The following CD5L variants were observed in gnomAD, a reference collection of about 807,000 sequenced individuals.
The protein encoded by CD5L is CD5 antigen-like.
A neutral mutation model predicts 40.8 loss-of-function variants in CD5L; 39 were observed. That is an observed-to-expected ratio of 0.96 (90% confidence interval 0.74 to 1.25). The LOEUF is 1.25. Among genes scored for constraint, CD5L ranks in the 50% most tolerant of loss-of-function variants. The pLI, the probability that CD5L is intolerant of heterozygous loss-of-function variation, is 0.00. For missense variants in CD5L, 433 were observed against 435.9 expected (o/e 0.99, Z 0.06); for synonymous variants, 192 against 169.6 (o/e 1.13, Z -1.03).
At chr1:157,829,444 AT>A (rs1655988263), downstream of CD5L, among the ~76,000 whole-genome samples, 1 of 152,248 alleles carries the variant, frequency 6.6e-6, no homozygotes, top group African/African-American at 2.4e-5. Flanking sequence ...TAGACCTTTA[AT>A]TGTTCTGTGT....
intron 2 of CD5L, among the ~76,000 whole-genome samples, chr1:157,837,429 T>C (rs1245679342): frequency 6.6e-6 from 1 of 152,196 alleles, no homozygotes; most frequent in African/African-American, 2.4e-5. Context: ...AAGAAGCTTA[T>C]ATTAAGCTTG....
chr1:157,831,599 T>C lies in CD5L; in HGVS notation c.*365A>G. On this transcript the variant is annotated 3_prime_UTR_variant, in exon 6 of 6. Coordinates refer to ENST00000368174, the MANE Select transcript of CD5L (RefSeq NM_005894.3). ...TAATAGGACCTAGATTAGTAATGTT[T>C]GCAGACATAGACCTTAGTAATGGTC... 4 of 1,067,750 alleles carry C rather than the reference T, an allele frequency of 3.7e-6. No individual in the cohort carries two copies. Among genetic ancestry groups the C allele is most frequent in the Non-Finnish European group, 4.5e-6 (4 of 883,854 alleles). 66.1% of individuals were successfully genotyped at this position (1,067,750 alleles called of 1,614,324 possible).
intron 1 of CD5L, among the ~76,000 whole-genome samples, chr1:157,840,875 G>T (rs1030222751): frequency 6.6e-6 from 1 of 152,200 alleles, no homozygotes; most frequent in Non-Finnish European, 1.5e-5. Context: ...GGATGTTTAA[G>T]ATGTGGTCAG....
chr1:157,838,768 A>G (rs1186153543), intron 2 of CD5L, among the ~76,000 whole-genome samples: 1 of 152,022 alleles, frequency 6.6e-6, no homozygotes, highest in Non-Finnish European at 1.5e-5. Flanking sequence ...CCTCTCTGGT[A>G]AAGTCTCTAT....
intron 2 of CD5L, 134 bp from the exon 3 acceptor site, chr1:157,836,289 G>A (rs912370516): frequency 1.3e-5 from 9 of 700,152 alleles, no homozygotes; most frequent in Non-Finnish European, 1.6e-5. Flanking sequence ...TAAGGGATCA[G>A]AAGAAAAGGG....
Position 157,841,784 on chromosome 1 carries a change from G to T in CD5L, c.-83C>A. 1 of 1,210,196 alleles carries T rather than the reference G, an allele frequency of 8.3e-7. No homozygotes were observed. The highest frequency in any genetic ancestry group is 1.2e-6 in the Non-Finnish European group (1 of 826,384). 75.0% of individuals were successfully genotyped at this position (1,210,196 alleles called of 1,614,324 possible). A position where few individuals can be genotyped will look rare whatever the true frequency, so the allele number is the denominator to read the frequency against. ...CAGCAATATTTAGTTTTAGCTGCAA[G>T]TATGTTAAGAGGAGGGACAAAGACA... is the stretch of plus-strand genomic sequence containing the variant. On this transcript the variant is annotated 5_prime_UTR_variant, in exon 1 of 6. Transcript: ENST00000368174.
chr1:157,841,759 C>A lies in CD5L; in HGVS notation c.-58G>T. On this transcript the variant is annotated 5_prime_UTR_variant, in exon 1 of 6. Coordinates refer to ENST00000368174, the MANE Select transcript of CD5L (RefSeq NM_005894.3). The stretch of plus-strand genomic sequence containing the variant: ...TTAAGGCTAGAAGGAGGTCCCCAAG[C>A]AGCAATATTTAGTTTTAGCTGCAAG... The A allele has an allele frequency of 6.7e-7, 1 of 1,494,454 alleles. No homozygotes were observed. The allele number at this position is 1,494,454 out of a possible 1,614,324, so 92.6% of individuals were successfully genotyped here. A position where few individuals can be genotyped will look rare whatever the true frequency, so the allele number is the denominator to read the frequency against.
In CD5L at chr1:157,834,401, C is replaced by T. The variant is rs370760758; in HGVS notation, c.718+6G>A. On this transcript the variant is annotated splice_donor_region_variant and intron_variant, in intron 4 of 5. Transcript: ENST00000368174. ...TAAACCTAGTCTTTGGACGCACAGG[C>T]ATTACCTTCACATTCGACCCACGTG... 3 of 1,606,956 alleles carry T rather than the reference C, an allele frequency of 1.9e-6. No individual in the cohort carries two copies. In the East Asian group the frequency reaches 6.7e-5, roughly 36 times the overall value.
In CD5L at chr1:157,834,651, C is replaced by G. The variant is rs752603257; in HGVS notation, c.474G>C (p.Gln158His). The change falls in exon 4 of 6, where the codon CAG becomes CAC. Residue 158 changes from glutamine to histidine, a missense_variant. By Grantham distance (24) the Gln-to-His change is conservative. Coordinates refer to ENST00000368174, the MANE Select transcript of CD5L (RefSeq NM_005894.3). Reference protein sequence around the residue: ...KGRVEVKHQNQWYTVCQTGWS... With the variant: ...KGRVEVKHQNHWYTVCQTGWS... The stretch of plus-strand genomic sequence containing the variant: ...AGCCTGTCTGGCACACGGTATACCA[C>G]TGGTTCTGGTGCTTCACTTCCACGC... 9.3e-6 allele frequency: 15 copies of G among 1,614,218 alleles called. No individual in the cohort carries two copies. The highest frequency in any genetic ancestry group is 1.6e-4 in the Middle Eastern group (1 of 6,062).
At chr1:157,830,474 T>C (rs992583217), downstream of CD5L, among the ~76,000 whole-genome samples, 8 of 152,294 alleles carry the variant, frequency 5.3e-5, no homozygotes, top group African/African-American at 1.4e-4. Context: ...AGCCGAGTGG[T>C]GGGCTCTCTC....
chr1:157,833,298 A>G lies in CD5L; in HGVS notation c.933T>C (p.Asp311=). Residue 311 remains aspartate, a synonymous_variant, in exon 5 of 6, where the codon GAT becomes GAC. Transcript: ENST00000368174. ...YGPGVGRIWL[D]NVRCSGEEQS... is the part of the protein sequence containing the mutation. ...GCTCCTCCCCTGAGCAACGAACATT[A>G]TCCAGCCAGATGCGGCCAACCCCAG... 4.3e-6 allele frequency: 7 copies of G among 1,614,104 alleles called. No individual in the cohort carries two copies. The highest frequency in any genetic ancestry group is 1.6e-4 in the Middle Eastern group (1 of 6,062).
At position 157,831,957 on chromosome 1, in the gene CD5L, C is replaced by T; in HGVS notation, c.*7G>A. On this transcript the variant is annotated 3_prime_UTR_variant, in exon 6 of 6. Coordinates refer to ENST00000368174, the MANE Select transcript of CD5L (RefSeq NM_005894.3). ...CCAGGGGGGCCAGGTCAAGCAACAC[C>T]AGGATACTATCCTATAAAGAGAAGA... The T allele has an allele frequency of 1.3e-6, 2 of 1,590,180 alleles. No individual in the cohort carries two copies. Among genetic ancestry groups the T allele is most frequent in the Non-Finnish European group, 1.7e-6 (2 of 1,169,874 alleles).
At chr1:157,830,442 ACAGTTTTGCCTCCGGACTCC>A (rs1656016848), downstream of CD5L, among the ~76,000 whole-genome samples, 1 of 152,140 alleles carries the variant, frequency 6.6e-6, no homozygotes, top group South Asian at 2.1e-4. Flanking sequence ...TTAAGGAATC[ACAGTTTTGCCTCCGGACTCC>A]CAGCCGAGTG....
downstream of CD5L, chr1:157,830,895 T>A (rs1557938968): frequency 1.0e-6 from 1 of 952,666 alleles, no homozygotes. Flanking sequence ...AAAGAGCATA[T>A]CACACAGAGA....
At chr1:157,834,372 T>C in intron 4 of CD5L, 35 bp downstream of exon 4, 2 of 1,526,460 alleles carry the variant, frequency 1.3e-6, no homozygotes, top group South Asian at 2.4e-5. Flanking sequence ...ATTAAATCCA[T>C]GAATAAACCT....
downstream of CD5L, among the ~76,000 whole-genome samples, chr1:157,830,524 ACT>A (rs1250369285): frequency 2.0e-5 from 3 of 151,504 alleles, no homozygotes; most frequent in Non-Finnish European, 4.4e-5. Flanking sequence ...CCCTCCTCCC[ACT>A]CTCTGTCTTT....
At chr1:157,830,875 C>T (rs1005300935), downstream of CD5L, 14 of 889,186 alleles carry the variant, frequency 1.6e-5, no homozygotes, top group Admixed American at 6.2e-5. Flanking sequence ...AGCTGCTTCT[C>T]TGTGGGCAGA....
chr1:157,832,000 TG>T, intron 5 of CD5L, 32 bp from the exon 6 acceptor site: 1 of 1,506,244 alleles, frequency 6.6e-7, no homozygotes, highest in South Asian at 1.2e-5. Flanking sequence ...GCAGTAAGGA[TG>T]GGTATAGTCC....
At chr1:157,830,900 C>A, downstream of CD5L, 1 of 969,566 alleles carries the variant, frequency 1.0e-6, no homozygotes, top group South Asian at 4.8e-5. Flanking sequence ...GCATATCACA[C>A]AGAGAGGCAA....
Sources: gnomAD v4.1 joint callset for allele counts (sites outside exome capture counted in the v4.1 genomes callset) on GRCh38, gnomAD v4.1.1 for gene constraint, MANE v1.5 for transcripts, NCBI Gene and HGNC (gene_info 2026-07-23, HGNC 2026-07-21) for gene names.